CASZ1: variants seen among roughly 807,000 people sequenced by gnomAD.
The protein encoded by CASZ1 is zinc finger protein castor homolog 1.
CASZ1 carries 28 observed loss-of-function variants against 135.2 expected under a neutral mutation model. The observed-to-expected ratio is 0.21, with a 90% CI of 0.15 to 0.28. The LOEUF is 0.28. Among genes scored for constraint, CASZ1 ranks in the 10% least tolerant of loss-of-function variants. CASZ1 has a pLI of 1.00. For synonymous variants in CASZ1, 1,068 were observed against 1,073.4 expected (o/e 0.99, Z 0.10); for missense variants, 2,161 against 2,453.3 (o/e 0.88, Z 2.52).
intron 1 of CASZ1, among the ~76,000 whole-genome samples, chr1:10,764,680 C>T (rs1640440816): frequency 6.6e-6 from 1 of 152,228 alleles, no homozygotes; most frequent in African/African-American, 2.4e-5. Context: ...CCTGTGATCT[C>T]TGCAGCCACC....
chr1:10,786,734 C>T (rs779014460), intron 1 of CASZ1, among the ~76,000 whole-genome samples: 4 of 152,214 alleles, frequency 2.6e-5, no homozygotes, highest in Non-Finnish European at 5.9e-5. Flanking sequence ...GCACCATCTA[C>T]ACTATATACA....
chr1:10,716,839 C>G (rs912127641), intron 2 of CASZ1, among the ~76,000 whole-genome samples: 1 of 152,216 alleles, frequency 6.6e-6, no homozygotes, highest in African/African-American at 2.4e-5. Context: ...AAGGCTTTCT[C>G]AAGCCTTCCC....
Position 10,759,286 on chromosome 1 carries a change from C to A in CASZ1, c.-77+1415G>T, listed in dbSNP as rs60698630. Reference sequence around the variant, plus strand: ...GAAGCAGAGTCTGTTAAGAATAGCCCGGGAAGGTGGCAGAGGTGCAGGTGC... The same window carrying A: ...GAAGCAGAGTCTGTTAAGAATAGCCAGGGAAGGTGGCAGAGGTGCAGGTGC... On this transcript the variant is annotated intron_variant, in intron 2 of 20. Coordinates refer to ENST00000377022, the MANE Select transcript of CASZ1 (RefSeq NM_001079843.3). The surrounding 1 kb of genome is among the most constrained non-coding windows in gnomAD (Gnocchi z 4.2). Among the ~76,000 whole-genome samples the A allele has an allele frequency of 3.1e-3, 476 of 152,196 alleles. 3 individuals are homozygous for A. Among genetic ancestry groups the A allele is most frequent in the African/African-American group, 0.011 (455 of 41,532 alleles).
rs1640630389 is a variant in CASZ1, at chr1:10,774,615, T to C, written c.-233-13758A>G. ...CAGATGGAGCATTTTTCTGCTCTAT[T>C]AACAACCACACAGAGCTCTGGCCCC... On this transcript the variant is annotated intron_variant, in intron 1 of 20. Coordinates refer to ENST00000377022, the MANE Select transcript of CASZ1 (RefSeq NM_001079843.3). This position sits in a 1 kb window ranked among gnomAD's most constrained non-coding sequence, Gnocchi z 4.4. 6.6e-6 allele frequency among the ~76,000 whole-genome samples: 1 copy of C among 152,086 alleles called. No homozygotes were observed. Among genetic ancestry groups the C allele is most frequent in the Non-Finnish European group, 1.5e-5 (1 of 68,016 alleles).
chr1:10,661,275 G>A (rs1643013247), intron 5 of CASZ1: 1 of 152,274 alleles, frequency 6.6e-6, no homozygotes, highest in Admixed American at 6.5e-5. Flanking sequence ...GGGCCACCCG[G>A]GGAGGGCAGG....
At chr1:10,754,860 A>AT (rs1212999119) in intron 2 of CASZ1, among the ~76,000 whole-genome samples, 1 of 152,234 alleles carries the variant, frequency 6.6e-6, no homozygotes, top group Admixed American at 6.5e-5. Flanking sequence ...CTTAACACAG[A>AT]TTACTAAGGG....
In CASZ1 at chr1:10,659,788, G is replaced by A. The variant is rs764336130; in HGVS notation, c.1254C>T (p.Ala418=). The part of the protein sequence containing the change: ...SAPGPGPEPP[A]SLSFNTPEYL... The stretch of plus-strand genomic sequence containing the variant: ...ACTCGGGAGTGTTGAAGGACAGGGA[G>A]GCAGGAGGCTCTGGCCCTGGCCCGG... Residue 418 remains alanine (A), a synonymous_variant, in exon 6 of 21, where the codon GCC becomes GCT. Transcript: ENST00000377022. 2 of 1,613,998 alleles carry A rather than the reference G, an allele frequency of 1.2e-6. No homozygotes were observed. The highest frequency in any genetic ancestry group is 1.3e-5 in the African/African-American group (1 of 75,036).
chr1:10,668,716 T>C (rs982069907), intron 4 of CASZ1, among the ~76,000 whole-genome samples: 1 of 152,242 alleles, frequency 6.6e-6, no homozygotes, highest in Admixed American at 6.5e-5. Context: ...AGCTCTGCCC[T>C]GCGCTAGCTC....
chr1:10,778,377 T>C (rs1159236996), intron 1 of CASZ1, among the ~76,000 whole-genome samples: 1 of 151,556 alleles, frequency 6.6e-6, no homozygotes, highest in Non-Finnish European at 1.5e-5. Context: ...AACAATCTCA[T>C]ACATGATCAC....
rs1301740185 is a variant in CASZ1, at chr1:10,637,023, A to C, written c.*1919T>G. 6.6e-6 allele frequency: 1 copy of C among 152,540 alleles called. No homozygotes were observed. The highest frequency in any genetic ancestry group is 6.5e-5 in the Admixed American group (1 of 15,280). 9.4% of individuals were successfully genotyped at this position (152,540 alleles called of 1,614,324 possible). ...AAATAAAACAAAAATTACACGTTAA[A>C]ATTCAAAATGAGCTAGCAATGGCTT... On this transcript the variant is annotated 3_prime_UTR_variant, in exon 21 of 21. Coordinates refer to ENST00000377022, the MANE Select transcript of CASZ1 (RefSeq NM_001079843.3).
chr1:10,734,244 C>T (rs1049169616), intron 2 of CASZ1, among the ~76,000 whole-genome samples: 8 of 144,312 alleles, frequency 5.5e-5, no homozygotes, highest in Admixed American at 1.5e-4. Context: ...CTTCCAGCAC[C>T]GAAACTCCAA....
rs751694527 is a variant in CASZ1, at chr1:10,659,792, G to T, written c.1250C>A (p.Pro417His). The T allele has an allele frequency of 6.2e-7, 1 of 1,613,952 alleles. No homozygotes were observed. Among genetic ancestry groups the T allele is most frequent in the East Asian group, 2.2e-5 (1 of 44,854 alleles). Residue 417 changes from proline to histidine, a missense_variant, in exon 6 of 21, where the codon CCT (proline) becomes CAT (histidine). This residue lies in a region of CASZ1 where 590 missense variants were observed against 609.8 expected (regional missense o/e 0.97). Coordinates refer to ENST00000377022, the MANE Select transcript of CASZ1 (RefSeq NM_001079843.3). ...PSAPGPGPEP[P>H]ASLSFNTPEY... ...GGGAGTGTTGAAGGACAGGGAGGCAGGAGGCTCTGGCCCTGGCCCGGGGGC... is the reference window on the plus strand; with the variant it reads ...GGGAGTGTTGAAGGACAGGGAGGCATGAGGCTCTGGCCCTGGCCCGGGGGC...
rs996626241 is a variant in CASZ1, at chr1:10,727,268, G to T, written c.-76-21724C>A. ...CAGGCAGGGGCTGCAGAGCCATAAGGCACCTGCTGTTTGAGCCCAGCCCCA... is the reference window on the plus strand; with the variant it reads ...CAGGCAGGGGCTGCAGAGCCATAAGTCACCTGCTGTTTGAGCCCAGCCCCA... On this transcript the variant is annotated intron_variant, in intron 2 of 20. Coordinates refer to ENST00000377022, the MANE Select transcript of CASZ1 (RefSeq NM_001079843.3). The surrounding 1 kb of genome is among the most constrained non-coding windows in gnomAD (Gnocchi z 5.3). 6.6e-6 allele frequency among the ~76,000 whole-genome samples: 1 copy of T among 152,212 alleles called. No individual in the cohort carries two copies. The highest frequency in any genetic ancestry group is 1.5e-5 in the Non-Finnish European group (1 of 67,992).
chr1:10,770,118 T>G (rs1283467942), intron 1 of CASZ1, among the ~76,000 whole-genome samples: 1 of 152,022 alleles, frequency 6.6e-6, no homozygotes, highest in African/African-American at 2.4e-5. Flanking sequence ...AGGGCCTGGC[T>G]CTGTCACTCA....
At position 10,655,813 on chromosome 1, in the gene CASZ1, T is replaced by C. The variant is rs1403379213; in HGVS notation, c.1501A>G (p.Arg501Gly). ...HCLDPECNYQ[R>G]FTSKQDVIRH... ...ATCACGTCCTGCTTACTCGTGAACC[T>C]CTGCCAGGAGACAGCGCCACGTGGG... The change falls in exon 9 of 21, where the codon AGG becomes GGG. Residue 501 changes from arginine to glycine, a missense_variant and splice_region_variant. Physicochemically the swap from Arg to Gly is moderately radical, Grantham distance 125 (BLOSUM62 -2). Coordinates refer to ENST00000377022, the MANE Select transcript of CASZ1 (RefSeq NM_001079843.3). 6.2e-7 allele frequency: 1 copy of C among 1,613,428 alleles called. No homozygotes were observed. Among genetic ancestry groups the C allele is most frequent in the East Asian group, 2.2e-5 (1 of 44,830 alleles).
chr1:10,693,963 A>C, intron 3 of CASZ1, 51 bp from the exon 4 acceptor site: 2 of 1,568,264 alleles, frequency 1.3e-6, no homozygotes, highest in Non-Finnish European at 1.7e-6. Context: ...ACACGGGGTT[A>C]GCGTCTCGCG....
chr1:10,643,258 G>T lies in CASZ1; in HGVS notation c.3922C>A (p.Gln1308Lys). 1 of 1,613,204 alleles carries T rather than the reference G, an allele frequency of 6.2e-7. No homozygotes were observed. The highest frequency in any genetic ancestry group is 8.5e-7 in the Non-Finnish European group (1 of 1,180,006). Residue 1308 changes from glutamine to lysine, a missense_variant, in exon 19 of 21, where the codon CAG becomes AAG. Transcript: ENST00000377022. ...SHFHCIREGC[Q>K]FSFLLKHQMT... ...TGGTGCTTGAGGAGGAAGGAGAACT[G>T]GCAGCCCTCCCGGATGCAGTGGAAG...
At chr1:10,682,073 G>A (rs537688566) in intron 4 of CASZ1, among the ~76,000 whole-genome samples, 1 of 152,276 alleles carries the variant, frequency 6.6e-6, no homozygotes, top group Middle Eastern at 3.4e-3. Flanking sequence ...GAGAAAAGGG[G>A]ATTGAAAAAA....
intron 1 of CASZ1, among the ~76,000 whole-genome samples, chr1:10,769,933 G>C (rs1465227003): frequency 6.6e-6 from 1 of 152,206 alleles, no homozygotes; most frequent in Non-Finnish European, 1.5e-5. Context: ...ATTTCTACTT[G>C]ACAGATGGGG....
Sources: gnomAD v4.1 joint callset for allele counts (sites outside exome capture counted in the v4.1 genomes callset) on GRCh38, gnomAD v4.1.1 for gene constraint, gnomAD v4.1.1 regional missense constraint, Gnocchi (gnomAD v3.1) non-coding constraint, MANE v1.5 for transcripts, NCBI Gene and HGNC (gene_info 2026-07-23, HGNC 2026-07-21) for gene names.